Variants in NHS observed in about 807,000 individuals in gnomAD.
The protein encoded by NHS is actin remodeling regulator NHS.
NHS carries 5 observed loss-of-function variants against 72.5 expected under a neutral mutation model. That is an observed-to-expected ratio of 0.07 (90% CI 0.04 to 0.14). The LOEUF is 0.14. Among genes scored for constraint, NHS ranks in the 10% least tolerant of loss-of-function variants. NHS has a pLI of 1.00. For missense variants in NHS, 1,072 were observed against 1,355.7 expected (o/e 0.79, Z 3.29); for synonymous variants, 464 against 547.7 (o/e 0.85, Z 2.13).
intron 1 of NHS, among the ~76,000 whole-genome samples, chrX:17,514,032 C>T (rs375345803): frequency 9.0e-6 from 1 of 111,723 alleles, no homozygotes; most frequent in African/African-American, 3.3e-5. Context: ...AAAGAGAGAG[C>T]TTGTGCAGGG....
At chrX:17,580,556 T>A (rs770489725) in intron 1 of NHS, among the ~76,000 whole-genome samples, 1 of 112,388 alleles carries the variant, frequency 8.9e-6, no homozygotes, top group East Asian at 2.8e-4. Flanking sequence ...GCACAGGAGC[T>A]CAGCAGTGGG....
At position 17,734,557 on chromosome X, in the gene NHS, G is replaced by C. The variant is rs1265124421; in HGVS notation, c.*2093G>C. 9.0e-6 allele frequency: 1 copy of C among 110,737 alleles called. No individual in the cohort carries two copies. Among genetic ancestry groups the C allele is most frequent in the Non-Finnish European group, 1.9e-5 (1 of 52,786 alleles). The allele number at this position is 110,737 out of a possible 1,213,427, so 9.1% of individuals were successfully genotyped here. The stretch of plus-strand genomic sequence containing the variant: ...AGTGTGTGTGTACGCACACACACTG[G>C]GGATAGATAAGCTACCTGGTAAAGG... On this transcript the variant is annotated 3_prime_UTR_variant, in exon 9 of 9. Transcript: ENST00000676302.
chrX:17,654,183 TC>T (rs1026307850), intron 1 of NHS, among the ~76,000 whole-genome samples: 1 of 111,798 alleles, frequency 8.9e-6, no homozygotes, highest in South Asian at 3.8e-4. Context: ...ATGGGGCCCT[TC>T]CCCCCTTCCA....
intron 1 of NHS, among the ~76,000 whole-genome samples, chrX:17,478,024 C>T (rs995383312): frequency 1.8e-5 from 2 of 111,968 alleles, no homozygotes; most frequent in Admixed American, 9.5e-5. Context: ...GCCACGTTCA[C>T]TTTAGATCCT....
At chrX:17,712,529 C>T (rs1255592453) in intron 3 of NHS, among the ~76,000 whole-genome samples, 1 of 105,582 alleles carries the variant, frequency 9.5e-6, no homozygotes, top group Non-Finnish European at 1.9e-5. Flanking sequence ...ATTCCCCAGG[C>T]CTGAATAACA....
intron 1 of NHS, among the ~76,000 whole-genome samples, chrX:17,405,002 G>A (rs2064522525): frequency 8.9e-6 from 1 of 111,785 alleles, no homozygotes; most frequent in South Asian, 3.8e-4. Context: ...CTCAGTATCT[G>A]AAGACAACAG....
rs761640534 is a variant in NHS at position 17,525,667 on chromosome X, T to C, written c.565+149345T>C. ...TTTTTTTTTTTTTTTTTTACTACAG[T>C]GGAAGGGGTTTTTATGGGAGAAACC... On this transcript the variant is annotated intron_variant, in intron 1 of 8. Coordinates refer to ENST00000676302, the MANE Select transcript of NHS (RefSeq NM_001291867.2). Among the ~76,000 whole-genome samples the C allele has an allele frequency of 1.5e-3, 126 of 83,754 alleles. 2 individuals carry two copies. The highest frequency in any genetic ancestry group is 2.7e-3 in the Non-Finnish European group (118 of 43,049). The allele number at this position is 83,754 out of a possible 115,157, so 72.7% of individuals were successfully genotyped here. A position where few individuals can be genotyped will look rare whatever the true frequency, so the allele number is the denominator to read the frequency against.
chrX:17,381,037 G>A (rs2064375387), intron 1 of NHS, among the ~76,000 whole-genome samples: 1 of 110,757 alleles, frequency 9.0e-6, no homozygotes, highest in Non-Finnish European at 1.9e-5. Context: ...AGGAGAGAAG[G>A]GAGGGTGTTA....
At position 17,725,361 on chromosome X, in the gene NHS, C is replaced by G; in HGVS notation, c.1255C>G (p.Pro419Ala). The part of the protein sequence containing the change: ...VQQEIDSDES[P>A]VARERNVIVH... ...ATGTGCCCTAGATTCTGATGAATCA[C>G]CAGTGGCCAGGGAAAGGAATGTGAT... Residue 419 changes from proline (P) to alanine (A), a missense_variant, in exon 7 of 9, where the codon CCA becomes GCA. By Grantham distance (27) the Pro-to-Ala change is conservative (BLOSUM62 -1). Coordinates refer to ENST00000676302, the MANE Select transcript of NHS (RefSeq NM_001291867.2). 1 of 1,206,862 alleles carries G rather than the reference C, an allele frequency of 8.3e-7. No homozygotes were observed. Among genetic ancestry groups the G allele is most frequent in the South Asian group, 1.8e-5 (1 of 56,826 alleles).
At chrX:17,474,582 C>G (rs1159339073) in intron 1 of NHS, among the ~76,000 whole-genome samples, 1 of 111,715 alleles carries the variant, frequency 9.0e-6, no homozygotes, top group Non-Finnish European at 1.9e-5. Context: ...ACAAAGACCT[C>G]AGCTGTGGAA....
chrX:17,609,155 T>C (rs1477788157), intron 1 of NHS, among the ~76,000 whole-genome samples: 2 of 112,048 alleles, frequency 1.8e-5, no homozygotes, highest in African/African-American at 6.5e-5. Flanking sequence ...CACCCCATCA[T>C]TGATTTATTT....
intron 1 of NHS, chrX:17,635,339 A>T: frequency 9.1e-7 from 1 of 1,098,298 alleles, no homozygotes; most frequent in Non-Finnish European, 1.2e-6. Flanking sequence ...CAGCCAGCCT[A>T]GCACTTGGGT....
chrX:17,506,875 T>C (rs761347244), intron 1 of NHS, among the ~76,000 whole-genome samples: 1 of 111,858 alleles, frequency 8.9e-6, no homozygotes, highest in South Asian at 3.7e-4. Flanking sequence ...AGCTACTTAA[T>C]CCACTGGCAG....
chrX:17,460,616 C>T (rs920698554), intron 1 of NHS, among the ~76,000 whole-genome samples: 28 of 111,770 alleles, frequency 2.5e-4, no homozygotes, highest in Middle Eastern at 4.2e-3. Context: ...CCCCCAGCCC[C>T]AGACAACCAT....
At chrX:17,543,215 A>G (rs1053135196) in intron 1 of NHS, among the ~76,000 whole-genome samples, 1 of 111,963 alleles carries the variant, frequency 8.9e-6, no homozygotes, top group Non-Finnish European at 1.9e-5. Context: ...CAGCATTGGT[A>G]TAAGCCACAG....
chrX:17,513,901 C>T (rs942244865), intron 1 of NHS, among the ~76,000 whole-genome samples: 7 of 111,792 alleles, frequency 6.3e-5, no homozygotes, highest in South Asian at 3.8e-4. Context: ...TACCCAAGGC[C>T]GGGCAATTTA....
chrX:17,645,646 G>A (rs2065902653), intron 1 of NHS, among the ~76,000 whole-genome samples: 2 of 111,418 alleles, frequency 1.8e-5, no homozygotes, highest in Non-Finnish European at 3.8e-5. Flanking sequence ...AGGCCATCTT[G>A]GATACATATT....
intron 3 of NHS, among the ~76,000 whole-genome samples, chrX:17,706,806 G>A (rs775558656): frequency 8.9e-6 from 1 of 111,795 alleles, no homozygotes; most frequent in Non-Finnish European, 1.9e-5. Context: ...ACCCTCACCC[G>A]CTGCTGAATG....
chrX:17,635,364 C>T, intron 1 of NHS: 2 of 1,126,475 alleles, frequency 1.8e-6, no homozygotes, highest in Non-Finnish European at 1.2e-6. Flanking sequence ...CCATCTCCCC[C>T]TCCAGGGGGG....
Sources: allele counts gnomAD v4.1 joint callset (sites outside exome capture counted in the v4.1 genomes callset), GRCh38; gene constraint gnomAD v4.1.1; transcripts MANE v1.5; gene names NCBI Gene and HGNC (gene_info 2026-07-23, HGNC 2026-07-21).